The following NR2C1 variants were observed in gnomAD, a reference collection of about 807,000 sequenced individuals.
The protein encoded by NR2C1 is TR2 nuclear hormone receptor.
In NR2C1, 33 loss-of-function variants were observed where a neutral mutation model predicts 74.8. The observed-to-expected ratio is 0.44, with a 90% CI of 0.33 to 0.59. The LOEUF (loss-of-function observed/expected upper bound fraction) is 0.59, where lower values mean the gene tolerates loss of function less well. Among genes scored for constraint, NR2C1 ranks in the 20% least tolerant of loss-of-function variants. NR2C1 has a pLI of 0.02. For missense variants in NR2C1, 568 were observed against 715.6 expected, an observed-to-expected ratio of 0.79 and a Z score of 2.35; for synonymous variants, 225 against 240.6, an observed-to-expected ratio of 0.94 and a Z score of 0.60.
intron 11 of NR2C1, chr12:95,030,595 A>G (rs1348077172): frequency 1.2e-6 from 2 of 1,613,394 alleles, no homozygotes; most frequent in South Asian, 2.2e-5. Context: ...TAGTAGATCT[A>G]TTTTTGATGA....
intron 8 of NR2C1, among the ~76,000 whole-genome samples, chr12:95,050,632 C>T (rs1265860126): frequency 1.3e-5 from 2 of 150,586 alleles, no homozygotes; most frequent in Non-Finnish European, 3.0e-5. Context: ...TTTATCATAT[C>T]TTTTTTTTTC....
chr12:95,044,466 C>T (rs1356405849), intron 9 of NR2C1, among the ~76,000 whole-genome samples: 5 of 150,356 alleles, frequency 3.3e-5, no homozygotes, highest in African/African-American at 9.8e-5. Context: ...TTAGTAGAGA[C>T]GGGGTTTCAC....
intron 10 of NR2C1, among the ~76,000 whole-genome samples, chr12:95,037,691 C>T (rs530107702): frequency 2.1e-3 from 327 of 152,120 alleles, no homozygotes; most frequent in Non-Finnish European, 3.1e-3. Context: ...GTGAGGAGAT[C>T]GAGATCGGCC....
intron 7 of NR2C1, among the ~76,000 whole-genome samples, chr12:95,052,697 CCCTGCCTCAG>C (rs1873202598): frequency 6.6e-6 from 1 of 151,896 alleles, no homozygotes; most frequent in South Asian, 2.1e-4. Context: ...AAGTGATCCT[CCCTGCCTCAG>C]CCTCCTGAGT....
chr12:95,050,263 T>C (rs1376671699), intron 8 of NR2C1, among the ~76,000 whole-genome samples: 7 of 152,218 alleles, frequency 4.6e-5, no homozygotes, highest in Non-Finnish European at 1.0e-4. Context: ...TTCAACAAAG[T>C]ATTACTTATT....
chr12:95,058,558 T>A (rs915972805), intron 4 of NR2C1, 69 bp from the exon 5 acceptor site: 2 of 1,254,798 alleles, frequency 1.6e-6, no homozygotes, highest in African/African-American at 3.0e-5. Flanking sequence ...ATAAGCCAAT[T>A]TCTTCCCTTT....
chr12:95,026,751 AAG>A (rs1565831745), intron 12 of NR2C1: 1 of 151,998 alleles, frequency 6.6e-6, no homozygotes, highest in East Asian at 1.9e-4. Flanking sequence ...TATGATGCAC[AAG>A]AACAGAAACA....
At chr12:95,061,721 T>C (rs529004362) in intron 3 of NR2C1, among the ~76,000 whole-genome samples, 1 of 152,266 alleles carries the variant, frequency 6.6e-6, no homozygotes, top group African/African-American at 2.4e-5. Flanking sequence ...AGAACCCAAT[T>C]TTAAGTAGAC....
At position 95,031,431 on chromosome 12, in the gene NR2C1, A is replaced by C. The variant is rs777190672; in HGVS notation, c.1311T>G (p.Gly437=). ...KAYWNELFTL[G]LAQCWQVMNV... is the part of the protein sequence containing the mutation. ...TCATCACTTGCCAGCACTGGGCAAG[A>C]CCAAGAGTAAAAAGTTCATTCCAGT... The change falls in exon 11 of 14, where the codon GGT becomes GGG. Residue 437 remains glycine (G), a synonymous_variant. Coordinates refer to ENST00000333003, the MANE Select transcript of NR2C1 (RefSeq NM_003297.4). 2 of 1,607,912 alleles carry C rather than the reference A, an allele frequency of 1.2e-6. No homozygotes were observed. Among genetic ancestry groups the C allele is most frequent in the Non-Finnish European group, 1.7e-6 (2 of 1,177,552 alleles).
intron 9 of NR2C1, among the ~76,000 whole-genome samples, chr12:95,041,991 A>G (rs1871595681): frequency 6.6e-6 from 1 of 152,232 alleles, no homozygotes; most frequent in African/African-American, 2.4e-5. Context: ...GTAATGGTAT[A>G]CAAAAAATCT....
chr12:95,027,477 C>T (rs1869501625), intron 12 of NR2C1, among the ~76,000 whole-genome samples: 1 of 152,194 alleles, frequency 6.6e-6, no homozygotes, highest in Non-Finnish European at 1.5e-5. Flanking sequence ...TGGTTCACTC[C>T]TGTAATCCCA....
chr12:95,027,749 T>C (rs758029175), intron 12 of NR2C1, among the ~76,000 whole-genome samples: 1 of 148,086 alleles, frequency 6.8e-6, no homozygotes, highest in East Asian at 1.9e-4. Context: ...AAAAAAAGTA[T>C]ACAATTCAAT....
chr12:95,036,804 C>T (rs1870904562), intron 10 of NR2C1, among the ~76,000 whole-genome samples: 1 of 152,142 alleles, frequency 6.6e-6, no homozygotes, highest in African/African-American at 2.4e-5. Flanking sequence ...AGCCACCAGG[C>T]CTGGCCTATA....
intron 1 of NR2C1, among the ~76,000 whole-genome samples, chr12:95,071,378 T>TA (rs1480077689): frequency 3.3e-5 from 5 of 152,198 alleles, no homozygotes; most frequent in Non-Finnish European, 7.3e-5. Context: ...GACAAGTTCA[T>TA]AAAAGACTTC....
intron 13 of NR2C1, among the ~76,000 whole-genome samples, chr12:95,023,802 CA>C (rs1869031652): frequency 1.3e-5 from 2 of 152,086 alleles, no homozygotes; most frequent in African/African-American, 2.4e-5. Context: ...GCTGCAGTCA[CA>C]AAGGAAAAAA....
chr12:95,025,025 C>A, intron 13 of NR2C1, 125 bp downstream of exon 13: 1 of 523,506 alleles, frequency 1.9e-6, no homozygotes, highest in Non-Finnish European at 3.3e-6. Context: ...CTTTTTATAG[C>A]ATTAGTATTT....
chr12:95,045,499 C>A lies in NR2C1; in HGVS notation c.1131+3569G>T, dbSNP rs11612548. On this transcript the variant is annotated intron_variant, in intron 9 of 13. Coordinates refer to ENST00000333003, the MANE Select transcript of NR2C1 (RefSeq NM_003297.4). ...AATCAAGAAAGGAATTTTAAAAGGCCTAAAATATGGTGAAGGAAATGAAGA... is the reference window on the plus strand; with the variant it reads ...AATCAAGAAAGGAATTTTAAAAGGCATAAAATATGGTGAAGGAAATGAAGA... 8.1e-4 allele frequency among the ~76,000 whole-genome samples: 123 copies of A among 151,862 alleles called. 1 individual carries two copies. The highest frequency in any genetic ancestry group is 1.3e-3 in the Non-Finnish European group (86 of 67,968).
intron 8 of NR2C1, 186 bp from the exon 9 acceptor site, chr12:95,049,419 T>A: frequency 4.6e-6 from 2 of 435,836 alleles, no homozygotes; most frequent in Non-Finnish European, 8.0e-6. Flanking sequence ...ATGCCTGGCC[T>A]AAAGTCTCTT....
chr12:95,037,861 CTCCA>C (rs1213846465), intron 10 of NR2C1, among the ~76,000 whole-genome samples: 1 of 144,402 alleles, frequency 6.9e-6, no homozygotes, highest in African/African-American at 2.6e-5. Context: ...TGCCACTGCA[CTCCA>C]GTCTGGGCGA....
Sources: gnomAD v4.1 joint callset for allele counts (sites outside exome capture counted in the v4.1 genomes callset) on GRCh38, gnomAD v4.1.1 for gene constraint, MANE v1.5 for transcripts, NCBI Gene and HGNC (gene_info 2026-07-23, HGNC 2026-07-21) for gene names.